Variants in SENP6 observed in about 807,000 individuals in gnomAD.
SENP6 encodes the protein sentrin-specific protease 6.
A neutral mutation model predicts 134.5 loss-of-function variants in SENP6; 41 were observed. That is an observed-to-expected ratio of 0.30 (90% confidence interval 0.24 to 0.40). The LOEUF (loss-of-function observed/expected upper bound fraction) is 0.40, where lower values mean the gene tolerates loss of function less well. SENP6 is among the 10% of genes least tolerant of loss of function. SENP6 has a pLI of 1.00. For synonymous variants in SENP6, 395 were observed against 429.8 expected (o/e 0.92, Z 1.00); for missense variants, 1,248 against 1,312.5 (o/e 0.95, Z 0.76).
chr6:75,705,038 T>C (rs1331930698), intron 19 of SENP6, among the ~76,000 whole-genome samples: 4 of 152,252 alleles, frequency 2.6e-5, no homozygotes, highest in Non-Finnish European at 5.9e-5. Context: ...GAGTTTCTTA[T>C]GTCTTCCCTT....
intron 16 of SENP6, among the ~76,000 whole-genome samples, chr6:75,691,289 C>T (rs995784924): frequency 1.3e-5 from 2 of 151,884 alleles, no homozygotes; most frequent in Admixed American, 6.6e-5. Flanking sequence ...ACTACATGTG[C>T]GAGCTACCAC....
At chr6:75,691,315 A>G (rs1381101223) in intron 16 of SENP6, among the ~76,000 whole-genome samples, 1 of 151,248 alleles carries the variant, frequency 6.6e-6, no homozygotes, top group African/African-American at 2.4e-5. Context: ...GCTAATTTTT[A>G]AAATTTTCTT....
At chr6:75,616,799 G>GACTTTTGAGA in intron 1 of SENP6, among the ~76,000 whole-genome samples, 1 of 150,664 alleles carries the variant, frequency 6.6e-6, no homozygotes, top group East Asian at 1.9e-4. Context: ...TTCCTTTAGT[G>GACTTTTGAGA]CATAAATATT....
chr6:75,698,823 G>A (rs796077960), intron 18 of SENP6, among the ~76,000 whole-genome samples: 4 of 151,718 alleles, frequency 2.6e-5, no homozygotes, highest in African/African-American at 9.7e-5. Context: ...CCAACCTGGC[G>A]AACATGGCGA....
chr6:75,669,729 C>T (rs1224073943), intron 10 of SENP6, among the ~76,000 whole-genome samples: 1 of 152,132 alleles, frequency 6.6e-6, no homozygotes, highest in East Asian at 1.9e-4. Flanking sequence ...ATGCAAATAA[C>T]AATTCTCCTA....
chr6:75,687,861 C>T (rs1773956880), intron 16 of SENP6, among the ~76,000 whole-genome samples: 1 of 152,200 alleles, frequency 6.6e-6, no homozygotes, highest in African/African-American at 2.4e-5. Context: ...GGTCAGGGAC[C>T]CACTTCAGGA....
intron 1 of SENP6, among the ~76,000 whole-genome samples, chr6:75,616,759 A>AAAAAAGGAAT (rs1767880709): frequency 6.6e-6 from 1 of 151,978 alleles, no homozygotes; most frequent in Admixed American, 6.6e-5. Context: ...AAAAAAAAAA[A>AAAAAAGGAAT]AAAAAGGAAT....
Position 75,713,493 on chromosome 6 carries a change from T to C in SENP6, c.2910-20T>C. 1 of 1,598,164 alleles carries C rather than the reference T, an allele frequency of 6.3e-7. No homozygotes were observed. The highest frequency in any genetic ancestry group is 8.5e-7 in the Non-Finnish European group (1 of 1,169,742). Reference sequence around the variant, plus strand: ...GTAATATTATGAAGTATTCGACTTTTGGTCATTTTTACCCTGCAGACCTTG... The same window carrying C: ...GTAATATTATGAAGTATTCGACTTTCGGTCATTTTTACCCTGCAGACCTTG... On this transcript the variant is annotated intron_variant, in intron 21 of 23. Coordinates refer to ENST00000447266, the MANE Select transcript of SENP6 (RefSeq NM_015571.4).
rs1175106585 is a variant in SENP6, at chr6:75,702,291, C to G, written c.2289-354C>G. 2.7e-5 allele frequency among the ~76,000 whole-genome samples: 4 copies of G among 149,756 alleles called. No homozygotes were observed. The South Asian group carries it at 8.4e-4, about 31-fold the overall frequency. ...GGAATGCTGTGGCACAATCTCGGCT[C>G]ACTGCAACCTCTGCCTCTTGGGTTC... On this transcript the variant is annotated intron_variant, in intron 18 of 23. Transcript: ENST00000447266.
At position 75,602,373 on chromosome 6, in the gene SENP6, G is replaced by T; in HGVS notation, c.-152G>T. The T allele has an allele frequency of 3.4e-6, 3 of 877,422 alleles. No individual in the cohort carries two copies. The highest frequency in any genetic ancestry group is 5.2e-6 in the Non-Finnish European group (3 of 573,500). 54.4% of individuals were successfully genotyped at this position (877,422 alleles called of 1,614,324 possible). A position where few individuals can be genotyped will look rare whatever the true frequency, so the allele number is the denominator to read the frequency against. ...GCCTGGCCTGCCTTTGTATAGGCCC[G>T]TCTGAACGTGGGAGCGCAGCCCGCC... On this transcript the variant is annotated 5_prime_UTR_variant, in exon 1 of 24. Transcript: ENST00000447266.
At chr6:75,689,588 A>C (rs997929706) in intron 16 of SENP6, among the ~76,000 whole-genome samples, 5 of 152,214 alleles carry the variant, frequency 3.3e-5, no homozygotes, top group African/African-American at 1.2e-4. Flanking sequence ...CTCGTGCCAC[A>C]TAACGTTTCA....
At position 75,676,049 on chromosome 6, in the gene SENP6, T is replaced by C. The variant is rs142334055; in HGVS notation, c.1616T>C (p.Leu539Ser). 6.3e-7 allele frequency: 1 copy of C among 1,584,400 alleles called. No homozygotes were observed. Among genetic ancestry groups the C allele is most frequent in the African/African-American group, 1.4e-5 (1 of 73,856 alleles). The change falls in exon 13 of 24, where the codon TTA (leucine) becomes TCA (serine). Residue 539 changes from leucine to serine, a missense_variant. Physicochemically the swap from Leu to Ser is moderately radical, Grantham distance 145. Coordinates refer to ENST00000447266, the MANE Select transcript of SENP6 (RefSeq NM_015571.4). ...AATGATTGTAAAGGAGTAAATAAAT[T>C]AACAAGTAAGTTGTGTAAAACAGAT... The part of the protein sequence containing the change: ...VWNDCKGVNK[L>S]TNLEEQYIIL...
At chr6:75,649,365 A>T (rs957248815) in intron 7 of SENP6, among the ~76,000 whole-genome samples, 2 of 152,190 alleles carry the variant, frequency 1.3e-5, no homozygotes, top group Non-Finnish European at 2.9e-5. Context: ...TGGCCCACTA[A>T]TAATGGTTTT....
In SENP6 at chr6:75,713,766, C is replaced by A. The variant is rs746092306; in HGVS notation, c.3070C>A (p.Gln1024Lys). 1 of 1,613,404 alleles carries A rather than the reference C, an allele frequency of 6.2e-7. No homozygotes were observed. Residue 1024 changes from glutamine to lysine, a missense_variant, in exon 23 of 24, where the codon CAA becomes AAA. Physicochemically the swap from Gln to Lys is moderately conservative, Grantham distance 53. Coordinates refer to ENST00000447266, the MANE Select transcript of SENP6 (RefSeq NM_015571.4). ...MKGSNPKVPQ[Q>K]NNFSDCGVYV... ...GGGCTCTAATCCAAAAGTACCACAG[C>A]AAAACAACTTCAGTGACTGTGGTGT... is the stretch of plus-strand genomic sequence containing the variant.
chr6:75,607,856 T>G (rs1162563445), intron 1 of SENP6, among the ~76,000 whole-genome samples: 2 of 152,160 alleles, frequency 1.3e-5, no homozygotes, highest in African/African-American at 4.8e-5. Context: ...ACCCAATCAG[T>G]TTGCCAGTTT....
In SENP6 at chr6:75,695,894, G is replaced by T; in HGVS notation, c.2166G>T (p.Glu722Asp). ...SFFYKRLNQR[E>D]RRNHETTNLS... ...TCTATAAACGCCTTAATCAGAGAGA[G>T]AGGAGAAATCATGAAACAACTAATC... The change falls in exon 17 of 24, where the codon GAG becomes GAT. Residue 722 changes from glutamate (E) to aspartate (D), a missense_variant. Physicochemically the swap from Glu to Asp is conservative, Grantham distance 45. Coordinates refer to ENST00000447266, the MANE Select transcript of SENP6 (RefSeq NM_015571.4). The T allele has an allele frequency of 6.2e-7, 1 of 1,604,848 alleles. No homozygotes were observed. Among genetic ancestry groups the T allele is most frequent in the Non-Finnish European group, 8.5e-7 (1 of 1,176,558 alleles).
At chr6:75,666,216 GTA>G (rs910337054) in intron 9 of SENP6, among the ~76,000 whole-genome samples, 1 of 139,278 alleles carries the variant, frequency 7.2e-6, no homozygotes, top group African/African-American at 2.6e-5. Context: ...ATATATATAA[GTA>G]TGATATATAT....
At chr6:75,617,895 T>C (rs1394450768) in intron 1 of SENP6, among the ~76,000 whole-genome samples, 1 of 152,226 alleles carries the variant, frequency 6.6e-6, no homozygotes, top group African/African-American at 2.4e-5. Context: ...AGGTATTTTA[T>C]ACAGTGTCCC....
intron 11 of SENP6, 94 bp from the exon 12 acceptor site, chr6:75,675,341 G>T (rs1004175183): frequency 1.4e-6 from 1 of 699,142 alleles, no homozygotes. Flanking sequence ...AGATAAACGA[G>T]TAATATAAGA....
Sources: gnomAD v4.1 joint callset for allele counts (sites outside exome capture counted in the v4.1 genomes callset) on GRCh38, gnomAD v4.1.1 for gene constraint, MANE v1.5 for transcripts, NCBI Gene and HGNC (gene_info 2026-07-23, HGNC 2026-07-21) for gene names.